ZCCHC14: variants seen among roughly 807,000 people sequenced by gnomAD.
ZCCHC14 encodes zinc finger CCHC-type containing 14.
In ZCCHC14, 16 loss-of-function variants were observed where a neutral mutation model predicts 85.0. That is an observed-to-expected ratio of 0.19 (90% CI 0.13 to 0.29). The LOEUF (loss-of-function observed/expected upper bound fraction) is 0.29. Among genes scored for constraint, ZCCHC14 ranks in the 10% least tolerant of loss-of-function variants. The pLI is 1.00. For synonymous variants in ZCCHC14, 775 were observed against 630.7 expected, an observed-to-expected ratio of 1.23 and a Z score of -3.43; for missense variants, 1,303 against 1,443.5, an observed-to-expected ratio of 0.90 and a Z score of 1.58.
chr16:87,471,872 C>G (rs1567540012), intron 1 of ZCCHC14: 2 of 152,344 alleles, frequency 1.3e-5, no homozygotes, highest in Admixed American at 1.3e-4. Flanking sequence ...TACTCATGAG[C>G]AACAACTCAT....
intron 3 of ZCCHC14, among the ~76,000 whole-genome samples, chr16:87,427,376 C>T (rs1240475790): frequency 6.6e-6 from 1 of 152,208 alleles, no homozygotes; most frequent in East Asian, 1.9e-4. Flanking sequence ...TGACTGACAG[C>T]GTACTCGGAG....
At chr16:87,442,714 A>G (rs1168880931) in intron 2 of ZCCHC14, among the ~76,000 whole-genome samples, 2 of 152,276 alleles carry the variant, frequency 1.3e-5, no homozygotes, top group African/African-American at 4.8e-5. Context: ...CACACACGTC[A>G]TAAGCACAAT....
At chr16:87,429,033 T>G (rs1909516769) in intron 3 of ZCCHC14, among the ~76,000 whole-genome samples, 1 of 152,254 alleles carries the variant, frequency 6.6e-6, no homozygotes, top group South Asian at 2.1e-4. Context: ...ATGAATCTTT[T>G]ATGAACATGT....
chr16:87,464,764 T>C (rs1911442319), intron 1 of ZCCHC14, among the ~76,000 whole-genome samples: 1 of 152,248 alleles, frequency 6.6e-6, no homozygotes, highest in Admixed American at 6.5e-5. Context: ...CATTGAAAGC[T>C]GTCTTCACTT....
intron 1 of ZCCHC14, among the ~76,000 whole-genome samples, chr16:87,485,590 CAAAAAAA>C (rs35083614): frequency 1.1e-4 from 11 of 98,654 alleles, no homozygotes; most frequent in African/African-American, 2.8e-4. Flanking sequence ...GGCAGTTTTC[CAAAAAAA>C]AAAAAAAAAA....
chr16:87,446,940 G>A (rs1160925815), intron 2 of ZCCHC14, among the ~76,000 whole-genome samples: 1 of 152,062 alleles, frequency 6.6e-6, no homozygotes, highest in African/African-American at 2.4e-5. Flanking sequence ...ACCTGCCTTG[G>A]CCTCAAGAAG....
intron 1 of ZCCHC14, among the ~76,000 whole-genome samples, chr16:87,480,769 A>G (rs1162015403): frequency 1.3e-5 from 2 of 152,204 alleles, no homozygotes; most frequent in African/African-American, 4.8e-5. Context: ...AACACAGCAC[A>G]TAAGGTCTAG....
intron 10 of ZCCHC14, 129 bp downstream of exon 10, chr16:87,414,285 C>G: frequency 7.6e-7 from 1 of 1,318,236 alleles, no homozygotes; most frequent in Admixed American, 1.8e-5. Flanking sequence ...GCACACGGGC[C>G]CTCTCTGTGT....
intron 2 of ZCCHC14, among the ~76,000 whole-genome samples, chr16:87,450,715 T>C (rs756929657): frequency 6.6e-6 from 1 of 151,966 alleles, no homozygotes; most frequent in South Asian, 2.1e-4. Context: ...GCTGGGATTA[T>C]AGGCATGTGC....
At chr16:87,468,072 TTC>T (rs1911610610) in intron 1 of ZCCHC14, among the ~76,000 whole-genome samples, 1 of 152,250 alleles carries the variant, frequency 6.6e-6, no homozygotes, top group Non-Finnish European at 1.5e-5. Context: ...CAAGGTAAGA[TTC>T]TGTCTCTTAA....
Position 87,491,478 on chromosome 16 carries a change from G to C in ZCCHC14, c.570+191C>G, listed in dbSNP as rs1257076638. The stretch of plus-strand genomic sequence containing the variant: ...GAGGTGGGGCACACATTTGGGGTGC[G>C]ACATAGAGGCTTAGGATGGGGCTTG... On this transcript the variant is annotated intron_variant, in intron 1 of 12. Coordinates refer to ENST00000671377, the MANE Select transcript of ZCCHC14 (RefSeq NM_015144.3). The surrounding 1 kb of genome is among the most constrained non-coding windows in gnomAD (Gnocchi z 5.9). 5.9e-5 allele frequency among the ~76,000 whole-genome samples: 9 copies of C among 152,028 alleles called. No homozygotes were observed.
intron 1 of ZCCHC14, among the ~76,000 whole-genome samples, chr16:87,483,103 G>T (rs1478499411): frequency 1.3e-5 from 2 of 151,684 alleles, no homozygotes; most frequent in African/African-American, 4.8e-5. Context: ...TAAAAACCCA[G>T]AAAACAAATA....
At chr16:87,451,234 T>C (rs1910687300) in intron 2 of ZCCHC14, among the ~76,000 whole-genome samples, 1 of 149,102 alleles carries the variant, frequency 6.7e-6, no homozygotes, top group African/African-American at 2.5e-5. Flanking sequence ...TTTTCTCTTG[T>C]TGCCCAGGCT....
At chr16:87,489,153 G>A (rs575051865) in intron 1 of ZCCHC14, among the ~76,000 whole-genome samples, 2 of 152,354 alleles carry the variant, frequency 1.3e-5, no homozygotes, top group East Asian at 3.8e-4. Context: ...TAGCTTTGAA[G>A]CAGCAACAGA....
At chr16:87,475,528 G>A (rs1911964229) in intron 1 of ZCCHC14, among the ~76,000 whole-genome samples, 1 of 146,192 alleles carries the variant, frequency 6.8e-6, no homozygotes, top group South Asian at 2.1e-4. Flanking sequence ...ACTCCAGCCT[G>A]GGTGGCAGAG....
intron 3 of ZCCHC14, among the ~76,000 whole-genome samples, chr16:87,427,639 CATTTT>C (rs1909441463): frequency 6.6e-6 from 1 of 152,018 alleles, no homozygotes; most frequent in Non-Finnish European, 1.5e-5. Context: ...ATTGTTTTAT[CATTTT>C]TTTTCTTTTT....
At chr16:87,484,376 A>C (rs1912419797) in intron 1 of ZCCHC14, among the ~76,000 whole-genome samples, 1 of 152,172 alleles carries the variant, frequency 6.6e-6, no homozygotes, top group Non-Finnish European at 1.5e-5. Flanking sequence ...GAGATTGCTG[A>C]ATACTCTTCC....
In ZCCHC14 at chr16:87,492,262, A is replaced by T; in HGVS notation, c.-24T>A. 1.0e-6 allele frequency: 1 copy of T among 976,984 alleles called. No individual in the cohort carries two copies. Among genetic ancestry groups the T allele is most frequent in the Non-Finnish European group, 1.2e-6 (1 of 827,002 alleles). The allele number at this position is 976,984 out of a possible 1,614,324, so 60.5% of individuals were successfully genotyped here. A position where few individuals can be genotyped will look rare whatever the true frequency, so the allele number is the denominator to read the frequency against. On this transcript the variant is annotated 5_prime_UTR_variant, in exon 1 of 13. Coordinates refer to ENST00000671377, the MANE Select transcript of ZCCHC14 (RefSeq NM_015144.3). The surrounding 1 kb of genome is among the most constrained non-coding windows in gnomAD (Gnocchi z 6.7). ...ATGCTGCCGCCCGCGCCGCGCCGCG[A>T]CCCGGGGCCGGGGACCGCGCGGGGG...
At chr16:87,487,937 C>T (rs577966503) in intron 1 of ZCCHC14, among the ~76,000 whole-genome samples, 1 of 149,446 alleles carries the variant, frequency 6.7e-6, no homozygotes, top group African/African-American at 2.5e-5. Context: ...AAAAGACACC[C>T]ATAGAGACAA....
Sources: allele counts gnomAD v4.1 joint callset (sites outside exome capture counted in the v4.1 genomes callset), GRCh38; gene constraint gnomAD v4.1.1; non-coding constraint Gnocchi (gnomAD v3.1); transcripts MANE v1.5; gene names NCBI Gene and HGNC (gene_info 2026-07-23, HGNC 2026-07-21).